Variants in ATXN7L1 observed in about 807,000 individuals in gnomAD.
ATXN7L1 encodes ataxin-7-like protein 1.
In ATXN7L1, 15 loss-of-function variants were observed where a neutral mutation model predicts 70.8. The ratio of observed to expected loss-of-function variants is 0.21; its 90% CI spans 0.14 to 0.33. The LOEUF is 0.33. ATXN7L1 is among the 10% of genes least tolerant of loss of function. The probability of loss-of-function intolerance (pLI) is 1.00; values close to 1 mark genes in which losing one functional copy is unlikely to be tolerated. For synonymous variants in ATXN7L1, 440 were observed against 445.1 expected (o/e 0.99, Z 0.14); for missense variants, 975 against 1,097.1 (o/e 0.89, Z 1.57).
intron 2 of ATXN7L1, among the ~76,000 whole-genome samples, chr7:105,795,344 G>A (rs1805832691): frequency 6.6e-6 from 1 of 152,220 alleles, no homozygotes; most frequent in Admixed American, 6.5e-5. Flanking sequence ...AAAGTCATGT[G>A]TTTATAAACT....
At chr7:105,608,596 C>A (rs1792887954) in intron 11 of ATXN7L1, among the ~76,000 whole-genome samples, 2 of 152,096 alleles carry the variant, frequency 1.3e-5, no homozygotes, top group Admixed American at 1.3e-4. Flanking sequence ...GTACACATGA[C>A]AACCTCTACA....
intron 2 of ATXN7L1, among the ~76,000 whole-genome samples, chr7:105,793,916 A>G (rs573950152): frequency 9.2e-5 from 14 of 152,178 alleles, no homozygotes; most frequent in East Asian, 1.9e-4. Flanking sequence ...TTTGACCCCA[A>G]CCCGCTATAG....
At chr7:105,776,611 G>T (rs1020358337) in intron 3 of ATXN7L1, among the ~76,000 whole-genome samples, 8 of 152,110 alleles carry the variant, frequency 5.3e-5, no homozygotes, top group African/African-American at 1.9e-4. Flanking sequence ...AGGGGTCCTT[G>T]TTCCTTGAGA....
chr7:105,679,751 C>T (rs1245282500), intron 3 of ATXN7L1, among the ~76,000 whole-genome samples: 4 of 151,918 alleles, frequency 2.6e-5, no homozygotes, highest in East Asian at 1.9e-4. Context: ...GACAGAAAGC[C>T]GACTTGTGGT....
At chr7:105,750,690 C>A (rs927405008) in intron 3 of ATXN7L1, among the ~76,000 whole-genome samples, 1 of 152,158 alleles carries the variant, frequency 6.6e-6, no homozygotes, top group African/African-American at 2.4e-5. Context: ...GTAATCCCAG[C>A]TACTTGGGAG....
At chr7:105,850,952 C>G (rs1055619248) in intron 2 of ATXN7L1, among the ~76,000 whole-genome samples, 1 of 152,184 alleles carries the variant, frequency 6.6e-6, no homozygotes, top group African/African-American at 2.4e-5. Context: ...TTCCTTCCTG[C>G]TGCCCCGCTT....
chr7:105,783,988 G>T (rs962585242), intron 3 of ATXN7L1, among the ~76,000 whole-genome samples: 1 of 152,056 alleles, frequency 6.6e-6, no homozygotes, highest in African/African-American at 2.4e-5. Flanking sequence ...TTGAGACAGG[G>T]TCTCACTCTG....
chr7:105,815,944 G>A (rs951563185), intron 2 of ATXN7L1, among the ~76,000 whole-genome samples: 5 of 152,158 alleles, frequency 3.3e-5, no homozygotes, highest in African/African-American at 1.2e-4. Context: ...TCTTTTAAAG[G>A]CAATTATTAA....
chr7:105,869,169 C>CTCCATCTCTCCCATCCT (rs1398765275), intron 2 of ATXN7L1, among the ~76,000 whole-genome samples: 5 of 152,150 alleles, frequency 3.3e-5, no homozygotes, highest in African/African-American at 1.2e-4. Context: ...CTTTAAGCCG[C>CTCCATCTCTCCCATCCT]TCCATCTCTC....
intron 4 of ATXN7L1, among the ~76,000 whole-genome samples, chr7:105,643,564 C>T (rs767814071): frequency 1.3e-5 from 2 of 152,246 alleles, no homozygotes; most frequent in Non-Finnish European, 1.5e-5. Flanking sequence ...CAGCCCGGCC[C>T]GGATCGGGCC....
At chr7:105,856,620 T>TTTAAAATTTTAAATATAAAG (rs1815773177) in intron 2 of ATXN7L1, among the ~76,000 whole-genome samples, 1 of 151,894 alleles carries the variant, frequency 6.6e-6, no homozygotes. Context: ...AAATATTTTA[T>TTTAAAATTTTAAATATAAAG]TCTTTATAAA....
At chr7:105,781,668 T>A (rs976922338) in intron 3 of ATXN7L1, among the ~76,000 whole-genome samples, 2 of 151,796 alleles carry the variant, frequency 1.3e-5, no homozygotes, top group South Asian at 4.2e-4. Context: ...ACTTTTTTTT[T>A]AAAGCAAACT....
chr7:105,788,508 A>C (rs1374934035), intron 3 of ATXN7L1, 96 bp downstream of exon 3: 1 of 1,009,234 alleles, frequency 9.9e-7, no homozygotes, highest in Non-Finnish European at 1.6e-6. Context: ...AGGCTGAGAC[A>C]AGACATGGCG....
chr7:105,726,841 T>C (rs745985324), intron 3 of ATXN7L1, among the ~76,000 whole-genome samples: 1 of 152,180 alleles, frequency 6.6e-6, no homozygotes, highest in Non-Finnish European at 1.5e-5. Context: ...CTTCATACAG[T>C]TGTGGCAGCA....
chr7:105,633,653 G>A (rs1282239406), intron 7 of ATXN7L1, among the ~76,000 whole-genome samples: 1 of 152,136 alleles, frequency 6.6e-6, no homozygotes, highest in Non-Finnish European at 1.5e-5. Context: ...CCGTGAGGTG[G>A]AGGTTGCCAT....
At chr7:105,672,202 C>T (rs955688020) in intron 3 of ATXN7L1, among the ~76,000 whole-genome samples, 5 of 152,120 alleles carry the variant, frequency 3.3e-5, no homozygotes, top group African/African-American at 1.2e-4. Flanking sequence ...AGGAGAATCA[C>T]TTGAACCCTG....
chr7:105,858,416 G>C (rs1816055081), intron 2 of ATXN7L1, among the ~76,000 whole-genome samples: 1 of 152,156 alleles, frequency 6.6e-6, no homozygotes, highest in Non-Finnish European at 1.5e-5. Context: ...AGATCAGAAT[G>C]ACAGAATTTG....
intron 3 of ATXN7L1, among the ~76,000 whole-genome samples, chr7:105,704,037 CATCT>C (rs555111962): frequency 6.6e-6 from 1 of 152,356 alleles, no homozygotes; most frequent in Non-Finnish European, 1.5e-5. Flanking sequence ...ACCCTCACCA[CATCT>C]ATCTTTTACA....
At chr7:105,854,524 A>G (rs1293482247) in intron 2 of ATXN7L1, among the ~76,000 whole-genome samples, 1 of 21,334 alleles carries the variant, frequency 4.7e-5, no homozygotes, top group Admixed American at 9.1e-4. Flanking sequence ...CCAGACCCTT[A>G]TAGAGGAAAA....
Sources: gnomAD v4.1 joint callset for allele counts (sites outside exome capture counted in the v4.1 genomes callset) on GRCh38, gnomAD v4.1.1 for gene constraint, MANE v1.5 for transcripts, NCBI Gene and HGNC (gene_info 2026-07-23, HGNC 2026-07-21) for gene names.